Variants in TNC observed in about 807,000 individuals in gnomAD.
TNC encodes tenascin C.
Under a neutral mutation model 202.4 loss-of-function variants are expected in TNC, and 109 were observed. The observed-to-expected ratio is 0.54, with a 90% CI of 0.46 to 0.63. The LOEUF is 0.63. Among genes scored for constraint, TNC ranks in the 30% least tolerant of loss-of-function variants. The pLI, the probability that TNC is intolerant of heterozygous loss-of-function variation, is 0.00. For missense variants in TNC, 2,756 were observed against 2,833.3 expected, an observed-to-expected ratio of 0.97 and a Z score of 0.62; for synonymous variants, 1,007 against 1,089.7, an observed-to-expected ratio of 0.92 and a Z score of 1.50.
Position 115,021,282 on chromosome 9 carries a change from AAAG to A in TNC, c.6496-18_6496-16del, listed in dbSNP as rs769698055. 2,652 of 1,478,834 alleles carry A rather than the reference AAAG, an allele frequency of 1.8e-3. No individual in the cohort carries two copies. The highest frequency in any genetic ancestry group is 2.2e-3 in the Non-Finnish European group (2,320 of 1,073,512). The allele number at this position is 1,478,834 out of a possible 1,614,324, so 91.6% of individuals were successfully genotyped here. On this transcript the variant is annotated splice_polypyrimidine_tract_variant and intron_variant, in intron 27 of 27. Transcript: ENST00000350763. ...CAGTTAACGCCCTGTTAAAAAAAAA[AAAG>A]AGAGAGAGAGAGAGAGAGAGAAGGC... is the stretch of plus-strand genomic sequence containing the variant.
intron 1 of TNC, among the ~76,000 whole-genome samples, chr9:115,097,407 G>A (rs1244203283): frequency 6.6e-6 from 1 of 152,194 alleles, no homozygotes; most frequent in African/African-American, 2.4e-5. Context: ...TGATCCAATA[G>A]AGAATAGATC....
chr9:115,052,501 A>G (rs1447371910), intron 15 of TNC, among the ~76,000 whole-genome samples: 1 of 152,012 alleles, frequency 6.6e-6, no homozygotes, highest in Non-Finnish European at 1.5e-5. Context: ...AAATAAATAA[A>G]TAAATAAATA....
At chr9:115,065,267 G>A (rs144822049) in intron 10 of TNC, among the ~76,000 whole-genome samples, 79 of 152,178 alleles carry the variant, frequency 5.2e-4, no homozygotes, top group African/African-American at 1.9e-3. Context: ...GTGTTGGTGG[G>A]CACCTGTAAT....
chr9:115,051,537 C>CT (rs5900117), intron 15 of TNC, among the ~76,000 whole-genome samples: 99 of 131,284 alleles, frequency 7.5e-4, no homozygotes, highest in Admixed American at 2.6e-3. Flanking sequence ...TCTTTTTTTT[C>CT]TTTTTTTTTT....
At position 115,022,769 on chromosome 9, in the gene TNC, C is replaced by G. The variant is rs10982497; in HGVS notation, c.6495+1204G>C. ...TAAAACAGGCATGAAAAACCACATC[C>G]TAATTCCTGCACAGGGTAAAAATGA... On this transcript the variant is annotated intron_variant, in intron 27 of 27. Coordinates refer to ENST00000350763, the MANE Select transcript of TNC (RefSeq NM_002160.4). Among the ~76,000 whole-genome samples, 748 of 152,072 alleles carry G rather than the reference C, an allele frequency of 4.9e-3. 5 individuals are homozygous for G. Among genetic ancestry groups the G allele is most frequent in the African/African-American group, 0.017 (706 of 41,530 alleles).
intron 15 of TNC, among the ~76,000 whole-genome samples, chr9:115,051,143 C>G (rs1488969660): frequency 6.6e-6 from 1 of 152,086 alleles, no homozygotes; most frequent in Non-Finnish European, 1.5e-5. Context: ...AAACTGACAC[C>G]ATGTGCAGCC....
rs887209474 is a variant in TNC, at chr9:115,075,707, C to T, written c.2950+325G>A. 8.9e-4 allele frequency among the ~76,000 whole-genome samples: 135 copies of T among 152,194 alleles called. 1 individual carries two copies. Among genetic ancestry groups the T allele is most frequent in the African/African-American group, 3.1e-3 (130 of 41,512 alleles). The stretch of plus-strand genomic sequence containing the variant: ...GGCTGAGGCAGGAGAATCTCTTGAA[C>T]CCTGGAGGCGGAGGTTGCAGTGAGC... On this transcript the variant is annotated intron_variant, in intron 9 of 27. Transcript: ENST00000350763.
intron 24 of TNC, 126 bp from the exon 25 acceptor site, chr9:115,029,582 C>T (rs2131634006): frequency 1.0e-6 from 1 of 954,116 alleles, no homozygotes; most frequent in Admixed American, 2.0e-5. Context: ...CCCTAATTTG[C>T]TATGTAACTT....
At chr9:115,076,313 C>T in intron 8 of TNC, 77 bp downstream of exon 8, 1 of 1,528,584 alleles carries the variant, frequency 6.5e-7, no homozygotes, top group Non-Finnish European at 9.0e-7. Context: ...CAAATGGGGA[C>T]ATGTGGGAGC....
At chr9:115,048,201 A>G in intron 16 of TNC, 59 bp downstream of exon 16, 1 of 1,576,218 alleles carries the variant, frequency 6.3e-7, no homozygotes, top group Non-Finnish European at 8.6e-7. Context: ...GATCCGGTAG[A>G]CAGATTACAC....
At chr9:115,091,539 T>C (rs1280835710) in intron 1 of TNC, among the ~76,000 whole-genome samples, 1 of 152,228 alleles carries the variant, frequency 6.6e-6, no homozygotes, top group African/African-American at 2.4e-5. Context: ...GTTAAAAGAA[T>C]GATGTAGAAG....
At chr9:115,057,132 A>C in intron 15 of TNC, 21 bp downstream of exon 15, 1 of 1,595,326 alleles carries the variant, frequency 6.3e-7, no homozygotes, top group African/African-American at 1.3e-5. Context: ...GTGCGTTAGA[A>C]ATGGGAGAAT....
Position 115,114,694 on chromosome 9 carries a change from A to G in TNC, c.-137+3288T>C, listed in dbSNP as rs1210474611. Among the ~76,000 whole-genome samples, 5 of 152,376 alleles carry G rather than the reference A, an allele frequency of 3.3e-5. No individual in the cohort carries two copies. The East Asian group carries it at 9.6e-4, about 29-fold the overall frequency. ...TTAAGGTTCTAAACTTGGTCAGCAC[A>G]GCCTGACTTCAGAAGGCAATATAGC... is the stretch of plus-strand genomic sequence containing the variant. On this transcript the variant is annotated intron_variant, in intron 1 of 27. Transcript: ENST00000350763.
intron 6 of TNC, among the ~76,000 whole-genome samples, chr9:115,081,049 G>A (rs1437387894): frequency 6.6e-6 from 1 of 152,122 alleles, no homozygotes; most frequent in Non-Finnish European, 1.5e-5. Flanking sequence ...CCATTGAAGA[G>A]ATGGAATCAA....
At chr9:115,085,743 T>A (rs1834660676) in intron 3 of TNC, 121 bp downstream of exon 3, 3 of 985,710 alleles carry the variant, frequency 3.0e-6, no homozygotes, top group Admixed American at 2.8e-5. Flanking sequence ...AATGGATATA[T>A]TAATACGTAC....
chr9:115,029,535 G>A, intron 24 of TNC, 79 bp from the exon 25 acceptor site: 1 of 1,378,690 alleles, frequency 7.3e-7, no homozygotes, highest in East Asian at 2.3e-5. Context: ...AAGGAGTGTG[G>A]CACTGTGGAG....
intron 7 of TNC, 130 bp from the exon 8 acceptor site, chr9:115,076,705 T>A: frequency 9.7e-7 from 1 of 1,030,394 alleles, no homozygotes; most frequent in East Asian, 2.4e-5. Context: ...AGCACACTCA[T>A]CTGTCCCCAT....
chr9:115,057,748 AG>A (rs1457165948), intron 14 of TNC, among the ~76,000 whole-genome samples: 3 of 152,232 alleles, frequency 2.0e-5, no homozygotes, highest in Non-Finnish European at 4.4e-5. Flanking sequence ...TGCCTCTGGG[AG>A]CCCTACCTCA....
rs1299176944 is a variant in TNC at position 115,069,806 on chromosome 9, T to TCCTC, written c.3214+3793_3214+3796dup. Among the ~76,000 whole-genome samples, 8 of 69,326 alleles carry TCCTC rather than the reference T, an allele frequency of 1.2e-4. No homozygotes were observed. In the East Asian group the frequency reaches 2.8e-3, roughly 24 times the overall value. The allele number at this position is 69,326 out of a possible 152,430, so 45.5% of individuals were successfully genotyped here. A position where few individuals can be genotyped will look rare whatever the true frequency, so the allele number is the denominator to read the frequency against. On this transcript the variant is annotated intron_variant, in intron 10 of 27. Coordinates refer to ENST00000350763, the MANE Select transcript of TNC (RefSeq NM_002160.4). ...TTCCTTCCTTCCTTCCTTCCTCCCTTCCTCCCTCCCTCCCTCCCTTCCTTC... is the reference window on the plus strand; with the variant it reads ...TTCCTTCCTTCCTTCCTTCCTCCCTTCCTCCCTCCCTCCCTCCCTCCCTTCCTTC...
Sources: allele counts gnomAD v4.1 joint callset (sites outside exome capture counted in the v4.1 genomes callset), GRCh38; gene constraint gnomAD v4.1.1; transcripts MANE v1.5; gene names NCBI Gene and HGNC (gene_info 2026-07-23, HGNC 2026-07-21).